Variants in CERT1 observed in about 807,000 individuals in gnomAD.
CERT1 encodes ceramide transfer protein.
Under a neutral mutation model 87.9 loss-of-function variants are expected in CERT1, and 31 were observed. That is an observed-to-expected ratio of 0.35 (90% confidence interval 0.27 to 0.48). The LOEUF (loss-of-function observed/expected upper bound fraction) is 0.48, where lower values mean the gene tolerates loss of function less well. Ranked by LOEUF, CERT1 falls within the 20% of genes least tolerant of loss-of-function variation. The pLI, the probability that CERT1 is intolerant of heterozygous loss-of-function variation, is 0.99. For missense variants in CERT1, 487 were observed against 758.0 expected (o/e 0.64, Z 4.20); for synonymous variants, 289 against 250.9 (o/e 1.15, Z -1.44).
In CERT1 at chr5:75,379,146, C is replaced by A. The variant is rs1228973177; in HGVS notation, c.*200G>T. On this transcript the variant is annotated 3_prime_UTR_variant, in exon 17 of 17. Coordinates refer to ENST00000643780, the MANE Select transcript of CERT1 (RefSeq NM_001379029.1). ...GCAGTGAGCCGTGATGGTGTCATTG[C>A]ACTTCAGCTTAGGAAACAGAGCAAG... 1.9e-6 allele frequency: 1 copy of A among 513,980 alleles called. No individual in the cohort carries two copies. The highest frequency in any genetic ancestry group is 3.4e-6 in the Non-Finnish European group (1 of 289,920). The allele number at this position is 513,980 out of a possible 1,614,324, so 31.8% of individuals were successfully genotyped here.
chr5:75,492,006 C>T (rs1766819379), intron 2 of CERT1, among the ~76,000 whole-genome samples: 1 of 152,094 alleles, frequency 6.6e-6, no homozygotes, highest in Admixed American at 6.5e-5. Context: ...ATAGCCAGCA[C>T]AACACATGTC....
chr5:75,484,071 T>A (rs1183776270), intron 2 of CERT1, among the ~76,000 whole-genome samples: 2 of 150,898 alleles, frequency 1.3e-5, no homozygotes, highest in Non-Finnish European at 3.0e-5. Context: ...CAATAAAAAG[T>A]TTAAAAGTGG....
In CERT1 at chr5:75,386,049, A is replaced by G. The variant is rs1561224049; in HGVS notation, c.1285-15T>C. On this transcript the variant is annotated splice_polypyrimidine_tract_variant and intron_variant, in intron 12 of 16. Transcript: ENST00000643780. ...CTTCTGTATACCTAAAGAGAACATA[A>G]TTCCAAAACTGTTTGAAAATTAAAA... is the stretch of plus-strand genomic sequence containing the variant. 6.9e-7 allele frequency: 1 copy of G among 1,455,298 alleles called. No homozygotes were observed. Among genetic ancestry groups the G allele is most frequent in the African/African-American group, 1.4e-5 (1 of 69,094 alleles). 90.1% of individuals were successfully genotyped at this position (1,455,298 alleles called of 1,614,324 possible).
intron 2 of CERT1, among the ~76,000 whole-genome samples, chr5:75,503,201 G>A (rs866986635): frequency 6.6e-6 from 1 of 151,862 alleles, no homozygotes; most frequent in Non-Finnish European, 1.5e-5. Flanking sequence ...CAGATGCTAG[G>A]TCCACCAACA....
Position 75,426,438 on chromosome 5 carries a change from T to C in CERT1, c.389A>G (p.His130Arg). 1.2e-6 allele frequency: 2 copies of C among 1,613,794 alleles called. No homozygotes were observed. Among genetic ancestry groups the C allele is most frequent in the Middle Eastern group, 1.7e-4 (1 of 6,060 alleles). Residue 130 changes from histidine (H) to arginine (R), a missense_variant, in exon 4 of 17, where the codon CAT (histidine) becomes CGT (arginine). This residue lies in a region of CERT1 where 173 missense variants were observed against 302.2 expected (regional missense o/e 0.57). Coordinates refer to ENST00000643780, the MANE Select transcript of CERT1 (RefSeq NM_001379029.1). ...GYGSESSLRR[H>R]GSMVSLVSGA... ...AGACACCAGGGACACCATTGAGCCATGTCGACGCAAGCTGGATTCAGATCC... is the reference window on the plus strand; with the variant it reads ...AGACACCAGGGACACCATTGAGCCACGTCGACGCAAGCTGGATTCAGATCC...
intron 8 of CERT1, among the ~76,000 whole-genome samples, chr5:75,409,768 C>T (rs976482812): frequency 6.7e-6 from 1 of 148,844 alleles, no homozygotes; most frequent in Admixed American, 6.6e-5. Context: ...ACCTTGTGAT[C>T]CCCCCGCCTC....
chr5:75,406,108 C>A (rs1475667773), intron 8 of CERT1, among the ~76,000 whole-genome samples: 2 of 152,214 alleles, frequency 1.3e-5, no homozygotes, highest in Non-Finnish European at 2.9e-5. Flanking sequence ...GTGAAAATGT[C>A]ATTTTCTTGA....
chr5:75,472,600 A>G (rs1765765479), intron 2 of CERT1, among the ~76,000 whole-genome samples: 1 of 152,212 alleles, frequency 6.6e-6, no homozygotes, highest in Admixed American at 6.5e-5. Flanking sequence ...AAAAAAATGC[A>G]CAAACACCTG....
At chr5:75,445,088 T>A (rs1764482912) in intron 3 of CERT1, among the ~76,000 whole-genome samples, 1 of 152,164 alleles carries the variant, frequency 6.6e-6, no homozygotes, top group African/African-American at 2.4e-5. Context: ...TCTGTGTGAC[T>A]AAAAAAATAA....
intron 1 of CERT1, among the ~76,000 whole-genome samples, chr5:75,507,031 T>C (rs1767680666): frequency 6.6e-6 from 1 of 152,234 alleles, no homozygotes; most frequent in African/African-American, 2.4e-5. Flanking sequence ...TGCCAAAATA[T>C]ACTGCATTGG....
Position 75,381,112 on chromosome 5 carries a change from G to C in CERT1, c.1707C>G (p.Ser569Arg), listed in dbSNP as rs35875083. 6.2e-7 allele frequency: 1 copy of C among 1,614,036 alleles called. No individual in the cohort carries two copies. ...TAATCTTGCATAGAATGTTGTCCCT[G>C]CTAATTTCCTGGTTTCCCTCTGGTG... ...VSPPEGNQEI[S>R]RDNILCKITY... The change falls in exon 16 of 17, where the codon AGC becomes AGG. Residue 569 changes from serine to arginine, a missense_variant. Ser to Arg is a moderately radical substitution (Grantham distance 110). Coordinates refer to ENST00000643780, the MANE Select transcript of CERT1 (RefSeq NM_001379029.1).
In CERT1 at chr5:75,417,917, G is replaced by A. The variant is rs182142147; in HGVS notation, c.680-884C>T. Among the ~76,000 whole-genome samples, 1,102 of 152,336 alleles carry A rather than the reference G, an allele frequency of 7.2e-3. 7 individuals are homozygous for A. The highest frequency in any genetic ancestry group is 0.011 in the Non-Finnish European group (744 of 68,018). On this transcript the variant is annotated intron_variant, in intron 6 of 16. Transcript: ENST00000643780. ...CACGCCTGTAATCCCAGCACTTTGGGAGGCCAAGGCGGGCGGATCACCTGA... is the reference window on the plus strand; with the variant it reads ...CACGCCTGTAATCCCAGCACTTTGGAAGGCCAAGGCGGGCGGATCACCTGA...
At chr5:75,391,893 A>C (rs1762038466) in intron 11 of CERT1, among the ~76,000 whole-genome samples, 1 of 152,204 alleles carries the variant, frequency 6.6e-6, no homozygotes, top group Non-Finnish European at 1.5e-5. Flanking sequence ...TCCCCCAAAT[A>C]AACCCTACTT....
Position 75,431,235 on chromosome 5 carries a change from C to T in CERT1, c.349-4757G>A, listed in dbSNP as rs141500384. On this transcript the variant is annotated intron_variant, in intron 3 of 16. Coordinates refer to ENST00000643780, the MANE Select transcript of CERT1 (RefSeq NM_001379029.1). ...TCCCATCCTCCACCCTCAAGTAGGG[C>T]CCAGTGTCTATTGTTTCCCTCTTTG... is the stretch of plus-strand genomic sequence containing the variant. Among the ~76,000 whole-genome samples, 162 of 152,202 alleles carry T rather than the reference C, an allele frequency of 1.1e-3. 2 individuals are homozygous for T. The highest frequency in any genetic ancestry group is 3.7e-3 in the African/African-American group (155 of 41,538).
At chr5:75,425,270 C>T (rs1763565952) in intron 5 of CERT1, 91 bp downstream of exon 5, 1 of 1,288,220 alleles carries the variant, frequency 7.8e-7, no homozygotes, top group Non-Finnish European at 1.1e-6. Context: ...CTATAAACAC[C>T]TTTATCACTT....
At position 75,379,236 on chromosome 5, in the gene CERT1, C is replaced by A; in HGVS notation, c.*110G>T. 1 of 975,230 alleles carries A rather than the reference C, an allele frequency of 1.0e-6. No homozygotes were observed. Among genetic ancestry groups the A allele is most frequent in the Non-Finnish European group, 1.5e-6 (1 of 646,654 alleles). 60.4% of individuals were successfully genotyped at this position (975,230 alleles called of 1,614,324 possible). A position where few individuals can be genotyped will look rare whatever the true frequency, so the allele number is the denominator to read the frequency against. On this transcript the variant is annotated 3_prime_UTR_variant, in exon 17 of 17. Transcript: ENST00000643780. ...AACGAAACAATACTCTATAGGGGAA[C>A]ATCAAAAAACATAGTAAATACTTTC... is the stretch of plus-strand genomic sequence containing the variant.
chr5:75,452,680 C>T (rs4704219), intron 3 of CERT1, among the ~76,000 whole-genome samples: 82,478 of 152,008 alleles, frequency 0.54, 25,557 homozygotes, highest in African/African-American at 0.86. Flanking sequence ...CCTTTGACAA[C>T]AGGCACCTCT....
At chr5:75,505,922 T>C in intron 2 of CERT1, 60 bp downstream of exon 2, 3 of 1,357,174 alleles carry the variant, frequency 2.2e-6, no homozygotes, top group Non-Finnish European at 2.1e-6. Context: ...GTAGAACAGT[T>C]CCTGGTATGT....
At chr5:75,415,149 C>T (rs1763087938) in intron 7 of CERT1, among the ~76,000 whole-genome samples, 1 of 152,050 alleles carries the variant, frequency 6.6e-6, no homozygotes, top group Non-Finnish European at 1.5e-5. Flanking sequence ...TATATATGAA[C>T]ACACACATAC....
Sources: allele counts gnomAD v4.1 joint callset (sites outside exome capture counted in the v4.1 genomes callset), GRCh38; gene constraint gnomAD v4.1.1; regional missense constraint gnomAD v4.1.1; transcripts MANE v1.5; gene names NCBI Gene and HGNC (gene_info 2026-07-23, HGNC 2026-07-21).